Variants in CYTH1 observed in about 807,000 individuals in gnomAD.
CYTH1 encodes cytohesin 1, also known as cytohesin-1.
Under a neutral mutation model 61.8 loss-of-function variants are expected in CYTH1, and 18 were observed. That is an observed-to-expected ratio of 0.29 (90% CI 0.20 to 0.43). The LOEUF (loss-of-function observed/expected upper bound fraction) is 0.43, where lower values mean the gene tolerates loss of function less well. CYTH1 is among the 20% of genes least tolerant of loss of function. CYTH1 has a pLI of 1.00. For synonymous variants in CYTH1, 174 were observed against 184.3 expected, an observed-to-expected ratio of 0.94 and a Z score of 0.45; for missense variants, 336 against 510.5, an observed-to-expected ratio of 0.66 and a Z score of 3.29.
At chr17:78,709,867 A>T (rs2093109910) in intron 1 of CYTH1, 135 bp from the exon 2 acceptor site, 2 of 700,954 alleles carry the variant, frequency 2.9e-6, no homozygotes, top group Admixed American at 5.5e-5. Context: ...GAGTGATAGA[A>T]ATAGTTATGG....
At chr17:78,680,154 C>A in intron 13 of CYTH1, 36 bp downstream of exon 13, 1 of 1,611,430 alleles carries the variant, frequency 6.2e-7, no homozygotes, top group Non-Finnish European at 8.5e-7. Flanking sequence ...GAGGGCTGCA[C>A]CAGGCGCGCA....
At chr17:78,705,011 T>C (rs749273898) in intron 3 of CYTH1, among the ~76,000 whole-genome samples, 42 of 152,204 alleles carry the variant, frequency 2.8e-4, no homozygotes, top group Non-Finnish European at 5.4e-4. Flanking sequence ...ACTAAAATGA[T>C]TGTCTAATCA....
At chr17:78,751,268 C>T (rs1295885222) in intron 1 of CYTH1, among the ~76,000 whole-genome samples, 2 of 152,148 alleles carry the variant, frequency 1.3e-5, no homozygotes, top group South Asian at 2.1e-4. Context: ...TGTGAGCCAC[C>T]ATGCCCAGCC....
intron 11 of CYTH1, among the ~76,000 whole-genome samples, chr17:78,689,981 G>A (rs957264472): frequency 1.3e-5 from 2 of 152,040 alleles, no homozygotes; most frequent in African/African-American, 4.8e-5. Context: ...GCTGCCCAGG[G>A]CTGCAGTGCA....
intron 1 of CYTH1, among the ~76,000 whole-genome samples, chr17:78,726,827 T>C (rs1397573463): frequency 1.3e-5 from 2 of 152,156 alleles, no homozygotes; most frequent in South Asian, 2.1e-4. Flanking sequence ...ACTGGAAGCT[T>C]TGCGTAGTCT....
Position 78,782,188 on chromosome 17 carries a change from C to T in CYTH1, c.22+14G>A. On this transcript the variant is annotated intron_variant, in intron 1 of 13. Coordinates refer to ENST00000446868, the MANE Select transcript of CYTH1 (RefSeq NM_004762.6). ...ACAGCGAGGGGGAAGCGTCCGCCGCCGGGGCGCACTGACCGTAGCTGTCGT... is the reference window on the plus strand; with the variant it reads ...ACAGCGAGGGGGAAGCGTCCGCCGCTGGGGCGCACTGACCGTAGCTGTCGT... The T allele has an allele frequency of 7.3e-7, 1 of 1,363,050 alleles. No homozygotes were observed. The highest frequency in any genetic ancestry group is 9.6e-7 in the Non-Finnish European group (1 of 1,043,454). The allele number at this position is 1,363,050 out of a possible 1,614,324, so 84.4% of individuals were successfully genotyped here.
intron 10 of CYTH1, among the ~76,000 whole-genome samples, chr17:78,694,583 G>C (rs1437084928): frequency 1.3e-5 from 2 of 152,156 alleles, no homozygotes; most frequent in Non-Finnish European, 2.9e-5. Context: ...GAGAACTTTG[G>C]TCTTCCAGCC....
Position 78,709,727 on chromosome 17 carries a change from T to G in CYTH1, c.28A>C (p.Ser10Arg). Reference sequence around the variant, plus strand: ...TGACGCTCCTCTGCTGTCAGGTCACTGGGAACTACAAAAATGGAGGGCAAT... The same window carrying G: ...TGACGCTCCTCTGCTGTCAGGTCACGGGGAACTACAAAAATGGAGGGCAAT... MEEDDSYVP[S>R]DLTAEERQEL... is the part of the protein sequence containing the mutation. Residue 10 changes from serine (S) to arginine (R), a missense_variant, in exon 2 of 14, where the codon AGT becomes CGT. Ser to Arg is a moderately radical substitution (Grantham distance 110). Coordinates refer to ENST00000446868, the MANE Select transcript of CYTH1 (RefSeq NM_004762.6). 1 of 1,613,990 alleles carries G rather than the reference T, an allele frequency of 6.2e-7. No homozygotes were observed. Among genetic ancestry groups the G allele is most frequent in the Non-Finnish European group, 8.5e-7 (1 of 1,179,950 alleles).
At position 78,715,614 on chromosome 17, in the gene CYTH1, C is replaced by T. The variant is rs545167387; in HGVS notation, c.23-5882G>A. Among the ~76,000 whole-genome samples, 4 of 152,276 alleles carry T rather than the reference C, an allele frequency of 2.6e-5. 1 individual carries two copies. In the South Asian group the frequency reaches 8.3e-4, roughly 32 times the overall value. On this transcript the variant is annotated intron_variant, in intron 1 of 13. Transcript: ENST00000446868. ...CTGTGTGATACCAACAGGCATCATT[C>T]GGTTTCCTCTCAAGAGAATAAAAAG... is the stretch of plus-strand genomic sequence containing the variant.
chr17:78,743,979 T>C (rs2093350773), intron 1 of CYTH1, among the ~76,000 whole-genome samples: 1 of 152,202 alleles, frequency 6.6e-6, no homozygotes, highest in African/African-American at 2.4e-5. Flanking sequence ...CAAAGAAGTA[T>C]TCTCCAATCC....
chr17:78,758,317 T>C (rs984849962), intron 1 of CYTH1, among the ~76,000 whole-genome samples: 1 of 152,206 alleles, frequency 6.6e-6, no homozygotes, highest in Non-Finnish European at 1.5e-5. Context: ...TGTCTTCTTG[T>C]AGCTGGCGAC....
intron 1 of CYTH1, among the ~76,000 whole-genome samples, chr17:78,774,165 C>G (rs555706011): frequency 6.6e-6 from 1 of 152,270 alleles, no homozygotes; most frequent in South Asian, 2.1e-4. Context: ...ATTGGTGCAG[C>G]CCTTTTGGAA....
intron 11 of CYTH1, among the ~76,000 whole-genome samples, chr17:78,683,969 T>A (rs1000074321): frequency 6.6e-6 from 1 of 152,200 alleles, no homozygotes; most frequent in African/African-American, 2.4e-5. Context: ...TGTGACATAA[T>A]GTATACTCTT....
At chr17:78,756,000 G>C (rs2093399299) in intron 1 of CYTH1, among the ~76,000 whole-genome samples, 1 of 151,366 alleles carries the variant, frequency 6.6e-6, no homozygotes, top group African/African-American at 2.4e-5. Context: ...GCTTTATTGT[G>C]ATAGTGGTTT....
At chr17:78,682,470 C>G (rs2092773808) in intron 11 of CYTH1, among the ~76,000 whole-genome samples, 2 of 152,182 alleles carry the variant, frequency 1.3e-5, no homozygotes, top group Admixed American at 1.3e-4. Context: ...AACCTCAGCA[C>G]TCTCCATTCC....
chr17:78,706,954 C>A (rs1312164503), intron 3 of CYTH1, among the ~76,000 whole-genome samples: 1 of 152,158 alleles, frequency 6.6e-6, no homozygotes, highest in Non-Finnish European at 1.5e-5. Flanking sequence ...ATATTTGTTA[C>A]AAATATTTAC....
Position 78,675,816 on chromosome 17 carries a change from T to C in CYTH1, c.*275A>G. On this transcript the variant is annotated 3_prime_UTR_variant, in exon 14 of 14. Transcript: ENST00000446868. ...CTACCAGAACACTGAGCAGAGAAAC[T>C]GGCCAGGAGGCTGCCCTGCCGACAA... 7.1e-7 allele frequency: 1 copy of C among 1,402,614 alleles called. No homozygotes were observed. The highest frequency in any genetic ancestry group is 9.4e-7 in the Non-Finnish European group (1 of 1,062,892). The allele number at this position is 1,402,614 out of a possible 1,614,324, so 86.9% of individuals were successfully genotyped here. A position where few individuals can be genotyped will look rare whatever the true frequency, so the allele number is the denominator to read the frequency against.
At chr17:78,711,302 A>AT (rs1567852017) in intron 1 of CYTH1, among the ~76,000 whole-genome samples, 9 of 132,250 alleles carry the variant, frequency 6.8e-5, no homozygotes, top group South Asian at 4.7e-4. Context: ...ATAAATAAAT[A>AT]ATATATATAT....
intron 1 of CYTH1, among the ~76,000 whole-genome samples, chr17:78,725,513 T>G (rs973537504): frequency 5.9e-5 from 9 of 152,236 alleles, no homozygotes; most frequent in Non-Finnish European, 1.2e-4. Context: ...ATCACTGGTT[T>G]TTACACAAAT....
Sources: allele counts gnomAD v4.1 joint callset (sites outside exome capture counted in the v4.1 genomes callset), GRCh38; gene constraint gnomAD v4.1.1; transcripts MANE v1.5; gene names NCBI Gene and HGNC (gene_info 2026-07-23, HGNC 2026-07-21).